The following FBXO16 variants were observed in gnomAD, a reference collection of about 807,000 sequenced individuals.
FBXO16 encodes the protein F-box protein 16.
Under a neutral mutation model 41.0 loss-of-function variants are expected in FBXO16, and 31 were observed. The ratio of observed to expected loss-of-function variants is 0.76; its 90% confidence interval spans 0.57 to 1.02. FBXO16 has a LOEUF of 1.02. Among genes scored for constraint, FBXO16 ranks in the 50% least tolerant of loss-of-function variants. The pLI is 0.00. For missense variants in FBXO16, 361 were observed against 346.2 expected (o/e 1.04, Z -0.34); for synonymous variants, 133 against 117.8 (o/e 1.13, Z -0.84).
chr8:28,489,716 C>CCAAA (rs1554529610), intron 1 of FBXO16, among the ~76,000 whole-genome samples: 3 of 88,368 alleles, frequency 3.4e-5, no homozygotes, highest in African/African-American at 4.7e-5. Flanking sequence ...CAAAAACCAA[C>CCAAA]AAAAAAAAAA....
Position 28,428,507 on chromosome 8 carries a change from G to C in FBXO16, c.*220C>G. 2.0e-6 allele frequency: 3 copies of C among 1,491,040 alleles called. No individual in the cohort carries two copies. Among genetic ancestry groups the C allele is most frequent in the Admixed American group, 4.5e-5 (2 of 44,832 alleles). 92.4% of individuals were successfully genotyped at this position (1,491,040 alleles called of 1,614,324 possible). On this transcript the variant is annotated 3_prime_UTR_variant, in exon 9 of 9. Coordinates refer to ENST00000380254, the MANE Select transcript of FBXO16 (RefSeq NM_172366.4). ...TTCTAATGGGAGCCAAGTAAATTCA[G>C]CTCTCCACTGTGCAAAGCATCTTGT...
Position 28,454,743 on chromosome 8 carries a change from AAAAAAAAAGG to A in FBXO16, c.507+2013_507+2022del, listed in dbSNP as rs1218488509. The stretch of plus-strand genomic sequence containing the variant: ...ACTCCGTCTTAAAAAAAAAAAAAAA[AAAAAAAAAGG>A]ATCATTAATTCTATATAGTACAAAA... On this transcript the variant is annotated intron_variant, in intron 5 of 8. Transcript: ENST00000380254. Among the ~76,000 whole-genome samples, 455 of 105,890 alleles carry A rather than the reference AAAAAAAAAGG, an allele frequency of 4.3e-3. 12 individuals are homozygous for A. The highest frequency in any genetic ancestry group is 0.025 in the Middle Eastern group (6 of 238). 69.5% of individuals were successfully genotyped at this position (105,890 alleles called of 152,430 possible). A position where few individuals can be genotyped will look rare whatever the true frequency, so the allele number is the denominator to read the frequency against.
intron 1 of FBXO16, among the ~76,000 whole-genome samples, chr8:28,486,311 G>A (rs1423798969): frequency 2.7e-5 from 4 of 149,082 alleles, no homozygotes; most frequent in Non-Finnish European, 5.9e-5. Flanking sequence ...TGCAACCTCC[G>A]CCTCCTGGGT....
At chr8:28,456,086 G>A (rs552013111) in intron 5 of FBXO16, among the ~76,000 whole-genome samples, 3 of 152,174 alleles carry the variant, frequency 2.0e-5, no homozygotes, top group East Asian at 1.9e-4. Flanking sequence ...CTCTGCATGT[G>A]TATAGATAAT....
At chr8:28,485,136 A>C (rs1664742939) in intron 1 of FBXO16, among the ~76,000 whole-genome samples, 1 of 152,144 alleles carries the variant, frequency 6.6e-6, no homozygotes, top group East Asian at 1.9e-4. Context: ...TCGCCTGATC[A>C]ATGGGCTCCA....
chr8:28,450,056 G>T (rs1448467599), intron 6 of FBXO16, among the ~76,000 whole-genome samples: 1 of 151,496 alleles, frequency 6.6e-6, no homozygotes, highest in South Asian at 2.1e-4. Flanking sequence ...CCCACTTTCT[G>T]GTTTTAAAAT....
chr8:28,429,011 T>A (rs1188744504), intron 8 of FBXO16, among the ~76,000 whole-genome samples: 1 of 152,094 alleles, frequency 6.6e-6, no homozygotes, highest in Non-Finnish European at 1.5e-5. Flanking sequence ...TATTAATAAG[T>A]TTCATTTTGC....
At chr8:28,473,870 G>T in intron 2 of FBXO16, 63 bp from the exon 3 acceptor site, 2 of 1,221,784 alleles carry the variant, frequency 1.6e-6, no homozygotes, top group Non-Finnish European at 2.4e-6. Context: ...CCCATTACAA[G>T]AAAGATACCA....
At chr8:28,454,151 G>A (rs1050396784) in intron 5 of FBXO16, among the ~76,000 whole-genome samples, 30 of 151,924 alleles carry the variant, frequency 2.0e-4, no homozygotes, top group Non-Finnish European at 4.3e-4. Context: ...GGGCGACAGA[G>A]TGAAATTTAT....
At chr8:28,461,761 C>A (rs1298484574) in intron 4 of FBXO16, among the ~76,000 whole-genome samples, 4 of 152,074 alleles carry the variant, frequency 2.6e-5, no homozygotes, top group African/African-American at 9.7e-5. Context: ...ATGAAGAAAG[C>A]AAGATTTTAA....
chr8:28,471,734 T>C (rs1485927625), intron 3 of FBXO16, among the ~76,000 whole-genome samples: 2 of 125,368 alleles, frequency 1.6e-5, no homozygotes, highest in Non-Finnish European at 3.1e-5. Context: ...AAGGAATGTA[T>C]AACGAAAAAC....
At chr8:28,459,719 C>A (rs566546549) in intron 4 of FBXO16, among the ~76,000 whole-genome samples, 1 of 151,034 alleles carries the variant, frequency 6.6e-6, no homozygotes, top group Non-Finnish European at 1.5e-5. Context: ...ATCCAGATTG[C>A]TATGTTCTTT....
rs1803591878 is a variant in FBXO16, at chr8:28,485,771, A to T, written c.-16-2309T>A. ...CAAAAGAAATGATTTCATTACAGTA[A>T]TTTTAACTGGCAGCTAATGATAAAA... is the stretch of plus-strand genomic sequence containing the variant. On this transcript the variant is annotated intron_variant, in intron 1 of 8. Transcript: ENST00000380254. Among the ~76,000 whole-genome samples, 3 of 152,216 alleles carry T rather than the reference A, an allele frequency of 2.0e-5. No individual in the cohort carries two copies. In the South Asian group the frequency reaches 6.2e-4, roughly 32 times the overall value.
intron 4 of FBXO16, among the ~76,000 whole-genome samples, chr8:28,462,233 C>T (rs1193397857): frequency 1.3e-5 from 2 of 151,886 alleles, no homozygotes; most frequent in Non-Finnish European, 2.9e-5. Flanking sequence ...ATCCACCACA[C>T]CCGGACCCAT....
At chr8:28,431,103 G>A (rs753634971) in intron 7 of FBXO16, among the ~76,000 whole-genome samples, 1 of 152,134 alleles carries the variant, frequency 6.6e-6, no homozygotes, top group Non-Finnish European at 1.5e-5. Flanking sequence ...ACCATGCAAC[G>A]CTTATCTGTC....
chr8:28,456,766 C>G lies in FBXO16; in HGVS notation c.507G>C (p.Lys169Asn). Residue 169 changes from lysine to asparagine, a missense_variant and splice_region_variant, in exon 5 of 9, where the codon AAG becomes AAC. Transcript: ENST00000380254. ...MVKELHITKP[K>N]TPPKDGFVIA... Reference sequence around the variant, plus strand: ...TTGTGGCTTTCTGTCTAAAATTCACCTTAGGCTTGGTAATATGAAGTTCTT... The same window carrying G: ...TTGTGGCTTTCTGTCTAAAATTCACGTTAGGCTTGGTAATATGAAGTTCTT... 1 of 1,613,498 alleles carries G rather than the reference C, an allele frequency of 6.2e-7. No homozygotes were observed. Among genetic ancestry groups the G allele is most frequent in the South Asian group, 1.1e-5 (1 of 90,910 alleles).
At chr8:28,473,884 A>C in intron 2 of FBXO16, 77 bp from the exon 3 acceptor site, 2 of 1,080,924 alleles carry the variant, frequency 1.9e-6, no homozygotes, top group Non-Finnish European at 2.8e-6. Flanking sequence ...GATACCATTA[A>C]GGGATCGGTG....
intron 4 of FBXO16, among the ~76,000 whole-genome samples, chr8:28,462,568 G>C (rs575878933): frequency 4.6e-5 from 7 of 151,996 alleles, no homozygotes; most frequent in Admixed American, 3.9e-4. Context: ...GTGAGCCACC[G>C]CGCCCGGCCC....
rs2130181745 is a variant in FBXO16, at chr8:28,473,960, T to C, written c.100-153A>G. ...TTTTACTCCTGAGGTTATATATTTT[T>C]ACCCTGGGCAAGGTTTCTCTCTCTT... On this transcript the variant is annotated intron_variant, in intron 2 of 8. Transcript: ENST00000380254. Among the ~76,000 whole-genome samples, 2 of 152,280 alleles carry C rather than the reference T, an allele frequency of 1.3e-5. 1 individual carries two copies. Among genetic ancestry groups the C allele is most frequent in the South Asian group, 4.1e-4 (2 of 4,826 alleles).
Sources: allele counts gnomAD v4.1 joint callset (sites outside exome capture counted in the v4.1 genomes callset), GRCh38; gene constraint gnomAD v4.1.1; transcripts MANE v1.5; gene names NCBI Gene and HGNC (gene_info 2026-07-23, HGNC 2026-07-21).